LRP1B: variants seen among roughly 807,000 people sequenced by gnomAD.
The protein encoded by LRP1B is low-density lipoprotein receptor-related protein 1B.
A neutral mutation model predicts 556.6 loss-of-function variants in LRP1B; 217 were observed. The observed-to-expected ratio is 0.39, with a 90% confidence interval of 0.35 to 0.44. The LOEUF is 0.44. Among genes scored for constraint, LRP1B ranks in the 20% least tolerant of loss-of-function variants. The pLI, the probability that LRP1B is intolerant of heterozygous loss-of-function variation, is 1.00. For missense variants in LRP1B, 5,053 were observed against 5,620.8 expected (o/e 0.90, Z 3.23); for synonymous variants, 2,047 against 1,865.8 (o/e 1.10, Z -2.50).
At chr2:140,648,295 G>A (rs556319732) in intron 41 of LRP1B, among the ~76,000 whole-genome samples, 1 of 152,064 alleles carries the variant, frequency 6.6e-6, no homozygotes. Flanking sequence ...GTGGTGGGGT[G>A]GGGGAGTGGG....
At chr2:140,776,533 A>G (rs942656900) in intron 32 of LRP1B, among the ~76,000 whole-genome samples, 11 of 144,724 alleles carry the variant, frequency 7.6e-5, no homozygotes, top group Non-Finnish European at 1.5e-5. Flanking sequence ...ATAGATGTAA[A>G]TAAAAGCGTA....
At chr2:141,190,861 C>G (rs961470522) in intron 6 of LRP1B, among the ~76,000 whole-genome samples, 5 of 152,020 alleles carry the variant, frequency 3.3e-5, no homozygotes, top group Middle Eastern at 3.4e-3. Context: ...TGAGAAATAG[C>G]AGGTTGAAGA....
At chr2:140,331,225 G>A (rs1225304903) in intron 79 of LRP1B, among the ~76,000 whole-genome samples, 3 of 152,052 alleles carry the variant, frequency 2.0e-5, no homozygotes, top group Non-Finnish European at 2.9e-5. Context: ...TATACATCAT[G>A]GAGTACTATG....
intron 84 of LRP1B, among the ~76,000 whole-genome samples, chr2:140,280,703 T>C (rs1048658558): frequency 4.0e-5 from 6 of 151,784 alleles, no homozygotes; most frequent in African/African-American, 1.4e-4. Flanking sequence ...CCTAAACTTA[T>C]TACTACCCAA....
intron 1 of LRP1B, among the ~76,000 whole-genome samples, chr2:142,085,828 T>G (rs1194733690): frequency 6.6e-6 from 1 of 152,194 alleles, no homozygotes; most frequent in African/African-American, 2.4e-5. Context: ...TATGCATATA[T>G]GAAAGGTGAA....
intron 3 of LRP1B, among the ~76,000 whole-genome samples, chr2:141,461,555 G>A (rs1358078870): frequency 6.6e-6 from 1 of 152,030 alleles, no homozygotes; most frequent in Non-Finnish European, 1.5e-5. Flanking sequence ...AACCCCTATT[G>A]GTAGGAAACA....
At chr2:141,122,741 C>T (rs1490061212) in intron 7 of LRP1B, among the ~76,000 whole-genome samples, 3 of 152,150 alleles carry the variant, frequency 2.0e-5, no homozygotes, top group African/African-American at 7.2e-5. Flanking sequence ...CCAGCCATCC[C>T]ATTACTGGGC....
intron 80 of LRP1B, among the ~76,000 whole-genome samples, chr2:140,325,297 T>A (rs2105062888): frequency 6.6e-6 from 1 of 152,210 alleles, no homozygotes; most frequent in African/African-American, 2.4e-5. Flanking sequence ...TCACTGGTGG[T>A]AGAGTTAAAT....
At chr2:140,645,031 T>C (rs1017267320) in intron 41 of LRP1B, among the ~76,000 whole-genome samples, 1 of 152,146 alleles carries the variant, frequency 6.6e-6, no homozygotes, top group African/African-American at 2.4e-5. Flanking sequence ...TTTTTCTAAT[T>C]ATATAGATTA....
At chr2:141,420,988 C>A (rs1680116305) in intron 3 of LRP1B, among the ~76,000 whole-genome samples, 1 of 152,168 alleles carries the variant, frequency 6.6e-6, no homozygotes, top group Non-Finnish European at 1.5e-5. Flanking sequence ...GAAGGGCCAA[C>A]ATGGGTAAAA....
At chr2:141,297,899 G>A (rs1361348369) in intron 3 of LRP1B, among the ~76,000 whole-genome samples, 1 of 152,050 alleles carries the variant, frequency 6.6e-6, no homozygotes, top group Non-Finnish European at 1.5e-5. Context: ...TCACCTAGTA[G>A]CAATAGTCTA....
chr2:141,525,642 C>T (rs1174919303), intron 2 of LRP1B, among the ~76,000 whole-genome samples: 1 of 151,986 alleles, frequency 6.6e-6, no homozygotes, highest in Non-Finnish European at 1.5e-5. Flanking sequence ...TTACACTGGA[C>T]TGGTCCTGGA....
chr2:140,245,443 A>G (rs1681109544), intron 87 of LRP1B, among the ~76,000 whole-genome samples: 1 of 151,458 alleles, frequency 6.6e-6, no homozygotes, highest in Non-Finnish European at 1.5e-5. Context: ...CAGAGTTTTA[A>G]AAAATTTTTT....
chr2:140,521,389 C>T (rs1196749095), intron 49 of LRP1B, among the ~76,000 whole-genome samples: 3 of 151,950 alleles, frequency 2.0e-5, no homozygotes, highest in African/African-American at 7.2e-5. Context: ...AGATTGGGGA[C>T]CTATTTTTAG....
At chr2:141,919,890 C>A (rs1158162297) in intron 1 of LRP1B, among the ~76,000 whole-genome samples, 1 of 151,830 alleles carries the variant, frequency 6.6e-6, no homozygotes, top group African/African-American at 2.4e-5. Context: ...ATAACTAGTT[C>A]ACAAAAAAGT....
rs116636397 is a variant in LRP1B at position 140,914,581 on chromosome 2, T to C, written c.3320-6504A>G. The stretch of plus-strand genomic sequence containing the variant: ...GGTTAAAACTGGGGACAGAATAGAT[T>C]GCTATGAAGACTTTGCAGAAAGATG... On this transcript the variant is annotated intron_variant, in intron 21 of 90. Coordinates refer to ENST00000389484, the MANE Select transcript of LRP1B (RefSeq NM_018557.3). 8.4e-3 allele frequency among the ~76,000 whole-genome samples: 1,271 copies of C among 152,190 alleles called. 18 individuals carry two copies. The highest frequency in any genetic ancestry group is 0.029 in the African/African-American group (1,203 of 41,534).
At chr2:141,428,124 A>G (rs998864576) in intron 3 of LRP1B, among the ~76,000 whole-genome samples, 3 of 151,908 alleles carry the variant, frequency 2.0e-5, no homozygotes, top group Non-Finnish European at 4.4e-5. Context: ...CCATTTTTTT[A>G]TGGTTTTGTT....
chr2:142,010,415 G>T (rs1031863225), intron 1 of LRP1B, among the ~76,000 whole-genome samples: 2 of 151,558 alleles, frequency 1.3e-5, no homozygotes, highest in African/African-American at 4.8e-5. Context: ...TTAGCCGGGC[G>T]TGGTGGCGGG....
intron 1 of LRP1B, among the ~76,000 whole-genome samples, chr2:141,897,481 A>G (rs535065191): frequency 6.6e-6 from 1 of 152,186 alleles, no homozygotes; most frequent in East Asian, 1.9e-4. Flanking sequence ...TGAGCTGAAT[A>G]TTTTACAGAA....
Sources: gnomAD v4.1 joint callset for allele counts (sites outside exome capture counted in the v4.1 genomes callset) on GRCh38, gnomAD v4.1.1 for gene constraint, MANE v1.5 for transcripts, NCBI Gene and HGNC (gene_info 2026-07-23, HGNC 2026-07-21) for gene names.